Variants in AK7 observed in about 807,000 individuals in gnomAD.
The protein encoded by AK7 is ATP-AMP transphosphorylase 7.
Under a neutral mutation model 96.6 loss-of-function variants are expected in AK7, and 78 were observed. The observed-to-expected ratio is 0.81, with a 90% CI of 0.67 to 0.97. The LOEUF (loss-of-function observed/expected upper bound fraction) is 0.97. AK7 is among the 50% of genes least tolerant of loss of function. The pLI, the probability that AK7 is intolerant of heterozygous loss-of-function variation, is 0.00. For synonymous variants in AK7, 302 were observed against 317.2 expected, an observed-to-expected ratio of 0.95 and a Z score of 0.51; for missense variants, 855 against 887.9, an observed-to-expected ratio of 0.96 and a Z score of 0.47.
At chr14:96,403,424 T>C (rs1890530552) in intron 2 of AK7, among the ~76,000 whole-genome samples, 1 of 152,128 alleles carries the variant, frequency 6.6e-6, no homozygotes, top group South Asian at 2.1e-4. Flanking sequence ...ACAGTGAGAC[T>C]TTGGTTGTTC....
At chr14:96,484,632 T>C (rs1297971634) in intron 16 of AK7, among the ~76,000 whole-genome samples, 5 of 152,218 alleles carry the variant, frequency 3.3e-5, no homozygotes, top group Non-Finnish European at 5.9e-5. Flanking sequence ...TTACCAGAAG[T>C]TGTCTTTCTA....
intron 12 of AK7, among the ~76,000 whole-genome samples, chr14:96,462,379 C>G (rs1377328201): frequency 2.0e-5 from 3 of 152,170 alleles, no homozygotes; most frequent in Non-Finnish European, 4.4e-5. Context: ...TATGTTTGAA[C>G]AAAACAAGAC....
intron 5 of AK7, among the ~76,000 whole-genome samples, chr14:96,421,982 T>C (rs1394664115): frequency 6.6e-6 from 1 of 152,166 alleles, no homozygotes; most frequent in Non-Finnish European, 1.5e-5. Flanking sequence ...CCAGGCGGAT[T>C]GGCAGGTTGA....
chr14:96,479,184 C>T (rs1895368612), intron 15 of AK7, among the ~76,000 whole-genome samples: 1 of 152,032 alleles, frequency 6.6e-6, no homozygotes, highest in Admixed American at 6.6e-5. Flanking sequence ...TCACGCCATT[C>T]TCCTGCCTCA....
chr14:96,431,923 T>C (rs1463133798), intron 5 of AK7, among the ~76,000 whole-genome samples: 1 of 152,186 alleles, frequency 6.6e-6, no homozygotes, highest in Non-Finnish European at 1.5e-5. Flanking sequence ...AGGACTTGCT[T>C]TATGAATCTG....
intron 8 of AK7, among the ~76,000 whole-genome samples, chr14:96,447,874 G>A (rs147806817): frequency 6.6e-6 from 1 of 152,222 alleles, no homozygotes; most frequent in East Asian, 1.9e-4. Flanking sequence ...AGCTAGTGCA[G>A]CCTTCTCCTG....
intron 15 of AK7, 71 bp from the exon 16 acceptor site, chr14:96,482,928 T>C: frequency 2.7e-6 from 4 of 1,456,570 alleles, no homozygotes; most frequent in Non-Finnish European, 3.8e-6. Flanking sequence ...TTTATAGTAA[T>C]AAAGAATTTT....
rs137985033 is a variant in AK7 at position 96,415,000 on chromosome 14, C to G, written c.499-5822C>G. On this transcript the variant is annotated intron_variant, in intron 4 of 17. Transcript: ENST00000267584. ...AAATTTCTGGGCTCAATTAACCCAC[C>G]TGCCTTGGCCTCCCAAAGTACTGGG... Among the ~76,000 whole-genome samples, 199 of 152,112 alleles carry G rather than the reference C, an allele frequency of 1.3e-3. 1 individual carries two copies. The highest frequency in any genetic ancestry group is 4.5e-3 in the African/African-American group (187 of 41,502).
intron 12 of AK7, among the ~76,000 whole-genome samples, chr14:96,464,867 G>C (rs1894470835): frequency 6.6e-6 from 1 of 152,110 alleles, no homozygotes; most frequent in African/African-American, 2.4e-5. Context: ...TCAACCCCCT[G>C]GGAATGTCAC....
intron 8 of AK7, among the ~76,000 whole-genome samples, chr14:96,448,630 TAAAAAAAAAAAAAAAAAAAAA>T (rs71103528): frequency 8.0e-5 from 6 of 74,884 alleles, no homozygotes; most frequent in East Asian, 4.5e-4. Context: ...ACCCTATCTC[TAAAAAAAAAAAAAAAAAAAAA>T]AAAAAAAAAA....
chr14:96,412,812 G>A (rs1891118246), intron 4 of AK7, among the ~76,000 whole-genome samples: 1 of 150,978 alleles, frequency 6.6e-6, no homozygotes, highest in Non-Finnish European at 1.5e-5. Flanking sequence ...GGTGATCTGC[G>A]CACTTCAGCC....
At position 96,420,945 on chromosome 14, in the gene AK7, T is replaced by G. The variant is rs74394064; in HGVS notation, c.609+13T>G. 1,692 of 1,517,408 alleles carry G rather than the reference T, an allele frequency of 1.1e-3. 14 individuals carry two copies. The African/African-American group carries it at 0.02, about 18-fold the overall frequency. The allele number at this position is 1,517,408 out of a possible 1,614,324, so 94.0% of individuals were successfully genotyped here. ...ATTTGGAAAAAAGGTAAGTCTGGCA[T>G]AGTGGAACATGGACATCATCTGAAG... On this transcript the variant is annotated intron_variant, in intron 5 of 17. Transcript: ENST00000267584.
intron 12 of AK7, among the ~76,000 whole-genome samples, chr14:96,469,143 A>T (rs908457243): frequency 6.6e-6 from 1 of 152,222 alleles, no homozygotes; most frequent in Non-Finnish European, 1.5e-5. Context: ...GGCCTGAAAT[A>T]AACTGAGGGA....
At position 96,399,543 on chromosome 14, in the gene AK7, G is replaced by T. The variant is rs1185929027; in HGVS notation, c.294+1280G>T. On this transcript the variant is annotated intron_variant, in intron 2 of 17. Coordinates refer to ENST00000267584, the MANE Select transcript of AK7 (RefSeq NM_152327.5). This position sits in a 1 kb window ranked among gnomAD's most constrained non-coding sequence, Gnocchi z 4.1. Reference sequence around the variant, plus strand: ...CTTCAGGAGACCAGCCGCATTTGCAGGTCTCACCCCTTCACCCCCGCCATT... The same window carrying T: ...CTTCAGGAGACCAGCCGCATTTGCATGTCTCACCCCTTCACCCCCGCCATT... Among the ~76,000 whole-genome samples the T allele has an allele frequency of 6.6e-6, 1 of 152,192 alleles. No homozygotes were observed. Among genetic ancestry groups the T allele is most frequent in the Non-Finnish European group, 1.5e-5 (1 of 68,032 alleles).
Position 96,400,030 on chromosome 14 carries a change from CTTTTTT to C in AK7, c.294+1788_294+1793del, listed in dbSNP as rs34001068. ...TATTAGACCCCGCTACAAAAACAAT[CTTTTTT>C]TTTTTTTTTTTTTTTTTTTTGAGAT... On this transcript the variant is annotated intron_variant, in intron 2 of 17. Coordinates refer to ENST00000267584, the MANE Select transcript of AK7 (RefSeq NM_152327.5). Among the ~76,000 whole-genome samples, 16 of 86,330 alleles carry C rather than the reference CTTTTTT, an allele frequency of 1.9e-4. 1 individual carries two copies. The highest frequency in any genetic ancestry group is 1.7e-3 in the South Asian group (3 of 1,804). 56.6% of individuals were successfully genotyped at this position (86,330 alleles called of 152,430 possible).
chr14:96,412,037 T>C (rs1266758522), intron 4 of AK7, among the ~76,000 whole-genome samples: 1 of 152,164 alleles, frequency 6.6e-6, no homozygotes, highest in African/African-American at 2.4e-5. Context: ...CGTTTTGTTT[T>C]TAGAGACGAA....
intron 14 of AK7, among the ~76,000 whole-genome samples, chr14:96,475,300 A>C (rs563260233): frequency 5.9e-5 from 9 of 152,280 alleles, no homozygotes; most frequent in African/African-American, 2.2e-4. Flanking sequence ...ATGCCATTGA[A>C]ATAATTTACA....
At chr14:96,474,498 C>T (rs1020851107) in intron 14 of AK7, among the ~76,000 whole-genome samples, 7 of 149,368 alleles carry the variant, frequency 4.7e-5, no homozygotes, top group Admixed American at 4.0e-4. Context: ...TGGTGGCATG[C>T]ACCTGTAGTC....
At chr14:96,451,268 GATACTCTGTAA>G (rs1329162136) in intron 9 of AK7, among the ~76,000 whole-genome samples, 142 bp from the exon 10 acceptor site, 1 of 152,176 alleles carries the variant, frequency 6.6e-6, no homozygotes, top group Admixed American at 6.5e-5. Flanking sequence ...GTATCACACA[GATACTCTGTAA>G]ATACTCAGTG....
Sources: allele counts gnomAD v4.1 joint callset (sites outside exome capture counted in the v4.1 genomes callset), GRCh38; gene constraint gnomAD v4.1.1; non-coding constraint Gnocchi (gnomAD v3.1); transcripts MANE v1.5; gene names NCBI Gene and HGNC (gene_info 2026-07-23, HGNC 2026-07-21).